The following ANXA10 variants were observed in gnomAD, a reference collection of about 807,000 sequenced individuals.
The protein encoded by ANXA10 is annexin A10, also known as annexin 14.
In ANXA10, 49 loss-of-function variants were observed where a neutral mutation model predicts 53.5. The observed-to-expected ratio is 0.92, with a 90% confidence interval of 0.73 to 1.16. The LOEUF (loss-of-function observed/expected upper bound fraction) is 1.16. ANXA10 is among the 50% of genes most tolerant of loss of function. ANXA10 has a pLI of 0.00. For synonymous variants in ANXA10, 131 were observed against 128.9 expected (o/e 1.02, Z -0.11); for missense variants, 393 against 394.4 (o/e 1.00, Z 0.03).
intron 3 of ANXA10, among the ~76,000 whole-genome samples, chr4:168,150,379 C>T (rs546724377): frequency 2.6e-5 from 4 of 152,216 alleles, no homozygotes; most frequent in African/African-American, 9.6e-5. Context: ...TGCAAAGTGA[C>T]GAAGCAACTT....
intron 2 of ANXA10, among the ~76,000 whole-genome samples, chr4:168,129,942 ATCCTGGACAACCGAAGTCAT>A (rs1731132087): frequency 6.6e-6 from 1 of 152,142 alleles, no homozygotes; most frequent in South Asian, 2.1e-4. Flanking sequence ...GCCCTGTGAG[ATCCTGGACAACCGAAGTCAT>A]TTTTAACCTA....
chr4:168,121,593 CAT>C (rs1372491366), intron 1 of ANXA10, among the ~76,000 whole-genome samples: 3 of 152,074 alleles, frequency 2.0e-5, no homozygotes, highest in Admixed American at 6.5e-5. Flanking sequence ...ATTAAAAACA[CAT>C]TATCAAATAA....
chr4:168,184,862 C>T (rs1240667197), intron 11 of ANXA10, among the ~76,000 whole-genome samples, 181 bp downstream of exon 11: 1 of 152,148 alleles, frequency 6.6e-6, no homozygotes, highest in Non-Finnish European at 1.5e-5. Flanking sequence ...ACTTAGAAAA[C>T]CCTTTACCTC....
intron 6 of ANXA10, among the ~76,000 whole-genome samples, chr4:168,174,050 C>T (rs1454284713): frequency 6.6e-6 from 1 of 152,100 alleles, no homozygotes; most frequent in Non-Finnish European, 1.5e-5. Context: ...TCCCTCTTTG[C>T]TGAGAGCTGT....
At chr4:168,118,483 C>T (rs1458349671) in intron 1 of ANXA10, among the ~76,000 whole-genome samples, 1 of 152,268 alleles carries the variant, frequency 6.6e-6, no homozygotes, top group South Asian at 2.1e-4. Flanking sequence ...TGAGAAGTGA[C>T]TGTAATCTGA....
At chr4:168,185,437 G>T (rs191240351) in intron 11 of ANXA10, among the ~76,000 whole-genome samples, 4 of 152,266 alleles carry the variant, frequency 2.6e-5, no homozygotes, top group African/African-American at 9.6e-5. Context: ...CTGCTAATTC[G>T]GAGGGACTTA....
In ANXA10 at chr4:168,125,974, C is replaced by T. The variant is rs186289805; in HGVS notation, c.19-2110C>T. On this transcript the variant is annotated intron_variant, in intron 1 of 11. Transcript: ENST00000359299. ...TGACAGTTATTACAATTTATTTTGG[C>T]TTAGACAAGTTATACTATTTCTAAA... 5.1e-4 allele frequency among the ~76,000 whole-genome samples: 77 copies of T among 152,206 alleles called. 1 individual carries two copies. Among genetic ancestry groups the T allele is most frequent in the Non-Finnish European group, 8.4e-4 (57 of 67,996 alleles).
intron 1 of ANXA10, among the ~76,000 whole-genome samples, chr4:168,114,052 T>TA (rs1730851542): frequency 6.6e-6 from 1 of 152,238 alleles, no homozygotes; most frequent in African/African-American, 2.4e-5. Flanking sequence ...AAGAGAATGC[T>TA]AAGGGCAATT....
At chr4:168,185,388 T>C (rs1578943726) in intron 11 of ANXA10, among the ~76,000 whole-genome samples, 1 of 152,342 alleles carries the variant, frequency 6.6e-6, no homozygotes, top group African/African-American at 2.4e-5. Context: ...TCCTCTCATA[T>C]TGTCATAGAA....
chr4:168,156,257 A>T (rs1484432989), intron 3 of ANXA10, among the ~76,000 whole-genome samples: 1 of 27,596 alleles, frequency 3.6e-5, no homozygotes, highest in Non-Finnish European at 6.6e-5. Flanking sequence ...TATATTATAT[A>T]TAATGTATAT....
intron 3 of ANXA10, among the ~76,000 whole-genome samples, chr4:168,144,268 C>G (rs1731372803): frequency 6.6e-6 from 1 of 152,130 alleles, no homozygotes; most frequent in South Asian, 2.1e-4. Context: ...CTCACTGCAA[C>G]CTCCACCTCC....
At chr4:168,178,129 A>C (rs1379753695) in intron 8 of ANXA10, 146 bp downstream of exon 8, 1 of 673,906 alleles carries the variant, frequency 1.5e-6, no homozygotes, top group East Asian at 2.8e-5. Flanking sequence ...TTTTGTTTAT[A>C]AGATGTGCCT....
chr4:168,175,413 A>T (rs1484655831), intron 6 of ANXA10, among the ~76,000 whole-genome samples: 1 of 152,234 alleles, frequency 6.6e-6, no homozygotes, highest in African/African-American at 2.4e-5. Flanking sequence ...TTGTGTAAAA[A>T]TAAGTTATTT....
chr4:168,105,568 T>C (rs1490900790), intron 1 of ANXA10, among the ~76,000 whole-genome samples: 4 of 152,040 alleles, frequency 2.6e-5, no homozygotes, highest in African/African-American at 9.7e-5. Flanking sequence ...AATAGTGCTA[T>C]AGTGAACATA....
intron 1 of ANXA10, among the ~76,000 whole-genome samples, chr4:168,098,336 A>G (rs1298587553): frequency 6.6e-6 from 1 of 152,076 alleles, no homozygotes; most frequent in Non-Finnish European, 1.5e-5. Flanking sequence ...TTATTCCTGC[A>G]ATTAGGTGGA....
rs1036755980 is a variant in ANXA10 at position 168,178,026 on chromosome 4, T to C, written c.628+43T>C. 3.8e-6 allele frequency: 6 copies of C among 1,563,822 alleles called. No homozygotes were observed. The African/African-American group carries it at 4.1e-5, about 11-fold the overall frequency. On this transcript the variant is annotated intron_variant, in intron 8 of 11. Transcript: ENST00000359299. ...TTCGTTCCAGCTACTTGACCAATTA[T>C]ATAACAAAAAGAAGGTGGTTAACTA...
At chr4:168,092,795 G>T in intron 1 of ANXA10, 77 bp downstream of exon 1, 1 of 1,360,910 alleles carries the variant, frequency 7.3e-7, no homozygotes, top group Non-Finnish European at 9.9e-7. Flanking sequence ...TGTGTTTTTT[G>T]ACGTTTTTAA....
chr4:168,145,487 A>G (rs1256474861), intron 3 of ANXA10, among the ~76,000 whole-genome samples: 2 of 152,222 alleles, frequency 1.3e-5, no homozygotes, highest in Non-Finnish European at 2.9e-5. Flanking sequence ...TATGACCAGG[A>G]ATGAACAAGT....
At chr4:168,132,046 A>T (rs1161704807) in intron 2 of ANXA10, among the ~76,000 whole-genome samples, 1 of 152,108 alleles carries the variant, frequency 6.6e-6, no homozygotes, top group Non-Finnish European at 1.5e-5. Flanking sequence ...TAGTACCACC[A>T]CTATGTGGAA....
Sources: gnomAD v4.1 joint callset for allele counts (sites outside exome capture counted in the v4.1 genomes callset) on GRCh38, gnomAD v4.1.1 for gene constraint, MANE v1.5 for transcripts, NCBI Gene and HGNC (gene_info 2026-07-23, HGNC 2026-07-21) for gene names.